Variants in RNF213 observed in about 807,000 individuals in gnomAD.
RNF213 encodes E3 ubiquitin-protein ligase RNF213.
Under a neutral mutation model 514.4 loss-of-function variants are expected in RNF213, and 341 were observed. That is an observed-to-expected ratio of 0.66 (90% CI 0.61 to 0.73). RNF213 has a LOEUF of 0.73. Ranked by LOEUF, RNF213 falls within the 30% of genes least tolerant of loss-of-function variation. The probability of loss-of-function intolerance (pLI) is 0.00; values close to 1 mark genes in which losing one functional copy is unlikely to be tolerated. For synonymous variants in RNF213, 2,655 were observed against 2,658.2 expected (o/e 1.00, Z 0.04); for missense variants, 5,767 against 6,615.6 (o/e 0.87, Z 4.45).
Position 80,371,981 on chromosome 17 carries a change from T to C in RNF213, c.12533T>C (p.Leu4178Pro). The change falls in exon 47 of 68, where the codon CTG becomes CCG. Residue 4178 changes from leucine to proline, a missense_variant. Around this residue, in one of 13 missense-constraint regions of RNF213, gnomAD observed 1,245 missense variants for 1,339.0 expected, o/e 0.93. Coordinates refer to ENST00000582970, the MANE Select transcript of RNF213 (RefSeq NM_001256071.3). ...CTGTACATGCTCTTCATCAACTGCC[T>C]GGAGGTAAGTGAACTCTCTCTTCCC... ...TELYMLFINC[L>P]EDSILEKTSA... The C allele has an allele frequency of 2.7e-6, 4 of 1,509,240 alleles. No homozygotes were observed. The highest frequency in any genetic ancestry group is 3.7e-6 in the Non-Finnish European group (4 of 1,084,250). 93.5% of individuals were successfully genotyped at this position (1,509,240 alleles called of 1,614,324 possible).
At chr17:80,272,422 AC>A (rs772101669) in intron 2 of RNF213, among the ~76,000 whole-genome samples, 1 of 152,244 alleles carries the variant, frequency 6.6e-6, no homozygotes, top group Non-Finnish European at 1.5e-5. Flanking sequence ...GAGTAGGCCG[AC>A]GGGGATGCTG....
intron 3 of RNF213, among the ~76,000 whole-genome samples, chr17:80,276,537 G>T (rs746310220): frequency 6.6e-6 from 1 of 152,142 alleles, no homozygotes; most frequent in African/African-American, 2.4e-5. Flanking sequence ...AGAGAAAACC[G>T]ACATGAACAA....
chr17:80,353,758 TCGC>T lies in RNF213; in HGVS notation c.10578+99_10578+101del, dbSNP rs1467140619. 3 of 1,541,818 alleles carry T rather than the reference TCGC, an allele frequency of 1.9e-6. No individual in the cohort carries two copies. The African/African-American group carries it at 4.1e-5, about 21-fold the overall frequency. ...GCTTTTGCATTGGGAGCTAGAGGAG[TCGC>T]CGCCGCTGTGCAGGGGTGAGGATGG... is the stretch of plus-strand genomic sequence containing the variant. On this transcript the variant is annotated intron_variant, in intron 34 of 67. Coordinates refer to ENST00000582970, the MANE Select transcript of RNF213 (RefSeq NM_001256071.3). This position sits in a 1 kb window ranked among gnomAD's most constrained non-coding sequence, Gnocchi z 5.0.
chr17:80,393,484 C>G lies in RNF213; in HGVS notation c.15610C>G (p.Arg5204Gly). ...WKTAAVLKWN[R>G]EMR Reference sequence around the variant, plus strand: ...AACAGCTGCTGTGCTGAAATGGAATCGAGAAATGAGATAGAATTATTTCCT... The same window carrying G: ...AACAGCTGCTGTGCTGAAATGGAATGGAGAAATGAGATAGAATTATTTCCT... Residue 5204 changes from arginine to glycine, a missense_variant, in exon 68 of 68, where the codon CGA becomes GGA. By Grantham distance (125) the Arg-to-Gly change is moderately radical (BLOSUM62 -2). Around this residue, in one of 13 missense-constraint regions of RNF213, gnomAD observed 1,245 missense variants for 1,339.0 expected, o/e 0.93. Transcript: ENST00000582970. The G allele has an allele frequency of 6.2e-7, 1 of 1,614,140 alleles. No individual in the cohort carries two copies. Among genetic ancestry groups the G allele is most frequent in the Non-Finnish European group, 8.5e-7 (1 of 1,180,002 alleles).
intron 11 of RNF213, among the ~76,000 whole-genome samples, chr17:80,305,427 C>A (rs112299691): frequency 6.6e-6 from 1 of 151,864 alleles, no homozygotes; most frequent in African/African-American, 2.4e-5. Context: ...ATCTGCCTGC[C>A]TCGGCCTCCC....
chr17:80,368,213 G>A (rs1325089578), intron 44 of RNF213, 70 bp downstream of exon 44: 1 of 1,533,464 alleles, frequency 6.5e-7, no homozygotes, highest in Non-Finnish European at 9.0e-7. Context: ...ACAATATTCA[G>A]AAATATAAAC....
intron 15 of RNF213, chr17:80,315,715 ATGG>A (rs1455449962): frequency 7.7e-6 from 1 of 130,366 alleles, no homozygotes. Context: ...AATGGAAGTG[ATGG>A]TGGAGGTACT....
At position 80,346,513 on chromosome 17, in the gene RNF213, A is replaced by G; in HGVS notation, c.8178A>G (p.Thr2726=). ...DDSRLLLDEI[T]RAQDLFLDGV... ...GCAGGCTGCTTCTGGATGAAATAAC[A>G]CGGGCACAGGATCTTTTTCTGGACG... is the stretch of plus-strand genomic sequence containing the variant. The change falls in exon 29 of 68, where the codon ACA becomes ACG. Residue 2726 remains threonine, a synonymous_variant. Coordinates refer to ENST00000582970, the MANE Select transcript of RNF213 (RefSeq NM_001256071.3). The surrounding 1 kb of genome is among the most constrained non-coding windows in gnomAD (Gnocchi z 8.1). The G allele has an allele frequency of 6.2e-7, 1 of 1,613,664 alleles. No homozygotes were observed. The highest frequency in any genetic ancestry group is 8.5e-7 in the Non-Finnish European group (1 of 1,180,016).
chr17:80,361,487 G>A (rs917871216), intron 38 of RNF213, among the ~76,000 whole-genome samples: 29 of 152,110 alleles, frequency 1.9e-4, no homozygotes, highest in Admixed American at 1.6e-3. Context: ...GCTACCCACC[G>A]CACTCCAGCC....
chr17:80,270,486 C>A (rs985750782), intron 2 of RNF213, among the ~76,000 whole-genome samples: 1 of 152,202 alleles, frequency 6.6e-6, no homozygotes, highest in African/African-American at 2.4e-5. Context: ...GTGCTCCCTG[C>A]CTTCTAGATT....
chr17:80,307,509 C>T lies in RNF213; in HGVS notation c.2501+308C>T, dbSNP rs192741612. Among the ~76,000 whole-genome samples, 6 of 150,964 alleles carry T rather than the reference C, an allele frequency of 4.0e-5. No homozygotes were observed. In the East Asian group the frequency reaches 1.2e-3, roughly 29 times the overall value. On this transcript the variant is annotated intron_variant, in intron 13 of 67. Coordinates refer to ENST00000582970, the MANE Select transcript of RNF213 (RefSeq NM_001256071.3). ...TCCCGAGTAGCTGGGATTACAGGCG[C>T]ACCCCACCACGCCCAGCTAATTTTT...
Position 80,353,207 on chromosome 17 carries a change from G to A in RNF213, c.10423+148G>A. ...CGGGGACACATCTGCAGAACTGACT[G>A]GTGGCTCATCATAGAGCACCAGGGC... On this transcript the variant is annotated intron_variant, in intron 33 of 67. Coordinates refer to ENST00000582970, the MANE Select transcript of RNF213 (RefSeq NM_001256071.3). This position sits in a 1 kb window ranked among gnomAD's most constrained non-coding sequence, Gnocchi z 5.0. 1.8e-6 allele frequency: 2 copies of A among 1,128,618 alleles called. No individual in the cohort carries two copies. The highest frequency in any genetic ancestry group is 2.6e-6 in the Non-Finnish European group (2 of 776,390). 69.9% of individuals were successfully genotyped at this position (1,128,618 alleles called of 1,614,324 possible).
chr17:80,375,121 T>G (rs1158784828), intron 50 of RNF213: 2 of 175,064 alleles, frequency 1.1e-5, no homozygotes, highest in Non-Finnish European at 2.5e-5. Flanking sequence ...TGGAAAATCC[T>G]CTTTCTGCTC....
At chr17:80,335,678 A>G (rs1328781564) in intron 22 of RNF213, among the ~76,000 whole-genome samples, 3 of 152,140 alleles carry the variant, frequency 2.0e-5, no homozygotes, top group African/African-American at 7.2e-5. Flanking sequence ...GTTTAGTGCT[A>G]TTAACAGACA....
rs941600651 is a variant in RNF213 at position 80,392,962 on chromosome 17, T to C, written c.15471-383T>C. Reference sequence around the variant, plus strand: ...GGAAAAAGTAACATGAGGGGACTGATTGGTCCCCTTATGTTATATGGGAGC... The same window carrying C: ...GGAAAAAGTAACATGAGGGGACTGACTGGTCCCCTTATGTTATATGGGAGC... On this transcript the variant is annotated intron_variant, in intron 67 of 67. Coordinates refer to ENST00000582970, the MANE Select transcript of RNF213 (RefSeq NM_001256071.3). 2.0e-5 allele frequency among the ~76,000 whole-genome samples: 3 copies of C among 150,916 alleles called. No homozygotes were observed. In the East Asian group the frequency reaches 5.8e-4, roughly 29 times the overall value.
intron 63 of RNF213, 36 bp downstream of exon 63, chr17:80,386,927 G>A (rs1487320727): frequency 6.4e-7 from 1 of 1,573,050 alleles, no homozygotes; most frequent in Non-Finnish European, 8.7e-7. Flanking sequence ...CTCATTTGGT[G>A]TGTCTGTTGT....
In RNF213 at chr17:80,388,820, C is replaced by G. The variant is rs189623700; in HGVS notation, c.15000+131C>G. 48 of 789,428 alleles carry G rather than the reference C, an allele frequency of 6.1e-5. No homozygotes were observed. The Admixed American group carries it at 6.4e-4, about 10-fold the overall frequency. The allele number at this position is 789,428 out of a possible 1,614,324, so 48.9% of individuals were successfully genotyped here. ...CCCACAGTTTCTGCGGCCTCCCTTA[C>G]AGAGAGCAAGCAAGACAGCAAATCA... On this transcript the variant is annotated intron_variant, in intron 64 of 67. Transcript: ENST00000582970.
chr17:80,307,286 A>G (rs2045397402), intron 13 of RNF213, 85 bp downstream of exon 13: 1 of 1,143,486 alleles, frequency 8.7e-7, no homozygotes. Context: ...CGTGACCCAC[A>G]TGTGCTGTTG....
chr17:80,371,926 A>AAAGC lies in RNF213; in HGVS notation c.12480_12483dup (p.Phe4162SerfsTer5). On this transcript the variant is annotated frameshift_variant, in exon 47 of 68. Coordinates refer to ENST00000582970, the MANE Select transcript of RNF213 (RefSeq NM_001256071.3). LOFTEE classifies it high-confidence loss of function. ...GGAATATTTGACCCTGTTAAAAAAG[A>AAAGC]AAGCATTCATAACTGAAGATAAAAC... 2 of 1,598,540 alleles carry AAAGC rather than the reference A, an allele frequency of 1.3e-6. No homozygotes were observed. The highest frequency in any genetic ancestry group is 1.7e-6 in the Non-Finnish European group (2 of 1,165,782).
Sources: gnomAD v4.1 joint callset for allele counts (sites outside exome capture counted in the v4.1 genomes callset) on GRCh38, gnomAD v4.1.1 for gene constraint, gnomAD v4.1.1 regional missense constraint, Gnocchi (gnomAD v3.1) non-coding constraint, MANE v1.5 for transcripts, NCBI Gene and HGNC (gene_info 2026-07-23, HGNC 2026-07-21) for gene names.